CPSF2: variants seen among roughly 807,000 people sequenced by gnomAD.
The protein encoded by CPSF2 is cleavage and polyadenylation specificity factor subunit 2.
A neutral mutation model predicts 84.2 loss-of-function variants in CPSF2; 51 were observed. The observed-to-expected ratio is 0.61, with a 90% CI of 0.48 to 0.77. The LOEUF is 0.77. Ranked by LOEUF, CPSF2 falls within the 30% of genes least tolerant of loss-of-function variation. The pLI is 0.00. For synonymous variants in CPSF2, 286 were observed against 311.9 expected (o/e 0.92, Z 0.87); for missense variants, 641 against 929.4 (o/e 0.69, Z 4.03).
Position 92,168,228 on chromosome 14 carries a change from A to G in CPSF2, c.*6484A>G, listed in dbSNP as rs1267774991. On this transcript the variant is annotated 3_prime_UTR_variant, in exon 16 of 16. Transcript: ENST00000298875. ...ACGCCACTGTACTCCATCTTGGGCG[A>G]CAGAGCGCAACTCTGTCTCCAAAAA... 1 of 137,386 alleles carries G rather than the reference A, an allele frequency of 7.3e-6. No individual in the cohort carries two copies. Among genetic ancestry groups the G allele is most frequent in the Non-Finnish European group, 1.5e-5 (1 of 65,658 alleles). 8.5% of individuals were successfully genotyped at this position (137,386 alleles called of 1,614,324 possible).
At chr14:92,155,460 TG>T (rs1343188502) in intron 11 of CPSF2, 137 bp downstream of exon 11, 2 of 661,622 alleles carry the variant, frequency 3.0e-6, no homozygotes, top group Non-Finnish European at 5.2e-6. Flanking sequence ...TACCTCAGCC[TG>T]AAGACACAGA....
At chr14:92,122,842 C>T (rs1322142081) in intron 1 of CPSF2, among the ~76,000 whole-genome samples, 1 of 149,440 alleles carries the variant, frequency 6.7e-6, no homozygotes, top group Non-Finnish European at 1.5e-5. Context: ...TAACCCCTTT[C>T]TTTTTTCTTT....
At chr14:92,127,422 G>A (rs1400862008) in intron 2 of CPSF2, among the ~76,000 whole-genome samples, 1 of 152,178 alleles carries the variant, frequency 6.6e-6, no homozygotes, top group Non-Finnish European at 1.5e-5. Flanking sequence ...ATCACTGGAA[G>A]TGTTTTATAA....
At chr14:92,127,461 A>T (rs1467033471) in intron 2 of CPSF2, among the ~76,000 whole-genome samples, 1 of 152,240 alleles carries the variant, frequency 6.6e-6, no homozygotes, top group Non-Finnish European at 1.5e-5. Flanking sequence ...TATACAACTT[A>T]AGCCAATGGA....
At chr14:92,158,404 G>A (rs2141481848) in intron 13 of CPSF2, among the ~76,000 whole-genome samples, 2 of 152,274 alleles carry the variant, frequency 1.3e-5, no homozygotes, top group Middle Eastern at 6.8e-3. Context: ...AATGGGAGAT[G>A]GTGTCAGTTT....
At chr14:92,154,818 G>A (rs1311344377) in intron 10 of CPSF2, among the ~76,000 whole-genome samples, 1 of 152,156 alleles carries the variant, frequency 6.6e-6, no homozygotes, top group Non-Finnish European at 1.5e-5. Flanking sequence ...CAGAGTATAT[G>A]ATATGGCCCA....
At chr14:92,138,444 T>A in intron 7 of CPSF2, 97 bp downstream of exon 7, 1 of 593,510 alleles carries the variant, frequency 1.7e-6, no homozygotes, top group African/African-American at 2.0e-5. Flanking sequence ...TTCTTTTTTT[T>A]TTTGAGACGG....
chr14:92,136,270 CAA>C (rs1174860962), intron 6 of CPSF2, among the ~76,000 whole-genome samples: 1 of 151,990 alleles, frequency 6.6e-6, no homozygotes, highest in Non-Finnish European at 1.5e-5. Context: ...ATATTTAAGA[CAA>C]ATAGACTGAA....
Position 92,167,781 on chromosome 14 carries a change from GTC to G in CPSF2, c.*6039_*6040del, listed in dbSNP as rs1252928962. ...GTACTTTTCTTTGATTAATGTAAGA[GTC>G]TAGAGTTTTATCAGAAGATTATTGT... On this transcript the variant is annotated 3_prime_UTR_variant, in exon 16 of 16. Coordinates refer to ENST00000298875, the MANE Select transcript of CPSF2 (RefSeq NM_017437.3). The G allele has an allele frequency of 6.6e-6, 1 of 151,964 alleles. No individual in the cohort carries two copies. Among genetic ancestry groups the G allele is most frequent in the African/African-American group, 2.4e-5 (1 of 41,348 alleles). 9.4% of individuals were successfully genotyped at this position (151,964 alleles called of 1,614,324 possible). A position where few individuals can be genotyped will look rare whatever the true frequency, so the allele number is the denominator to read the frequency against.
rs369452089 is a variant in CPSF2, at chr14:92,156,896, A to G, written c.1595+265A>G. ...TAACATTAAATTGTACATTTATATG[A>G]AGAAAAATTATTTTTGGCCTTTTTA... On this transcript the variant is annotated intron_variant, in intron 12 of 15. Coordinates refer to ENST00000298875, the MANE Select transcript of CPSF2 (RefSeq NM_017437.3). Among the ~76,000 whole-genome samples, 8 of 152,328 alleles carry G rather than the reference A, an allele frequency of 5.3e-5. No homozygotes were observed. In the East Asian group the frequency reaches 1.2e-3, roughly 22 times the overall value.
intron 9 of CPSF2, among the ~76,000 whole-genome samples, chr14:92,150,772 G>A (rs964066617): frequency 6.6e-6 from 1 of 152,096 alleles, no homozygotes; most frequent in Non-Finnish European, 1.5e-5. Context: ...TCAGATTTGG[G>A]TATTTGGCAG....
At chr14:92,129,168 A>G (rs1423369800) in intron 2 of CPSF2, among the ~76,000 whole-genome samples, 1 of 152,186 alleles carries the variant, frequency 6.6e-6, no homozygotes, top group Non-Finnish European at 1.5e-5. Flanking sequence ...AACAACAACA[A>G]CAAAAAACCT....
In CPSF2 at chr14:92,162,765, G is replaced by A. The variant is rs1267108626; in HGVS notation, c.*1021G>A. 6.6e-6 allele frequency: 1 copy of A among 152,168 alleles called. No individual in the cohort carries two copies. The highest frequency in any genetic ancestry group is 1.5e-5 in the Non-Finnish European group (1 of 68,026). 9.4% of individuals were successfully genotyped at this position (152,168 alleles called of 1,614,324 possible). A position where few individuals can be genotyped will look rare whatever the true frequency, so the allele number is the denominator to read the frequency against. ...CCACCCTGATATAGTATTAACCACT[G>A]TGTTCAAGAGTAAAAACAATATATG... On this transcript the variant is annotated 3_prime_UTR_variant, in exon 16 of 16. Coordinates refer to ENST00000298875, the MANE Select transcript of CPSF2 (RefSeq NM_017437.3).
At chr14:92,132,621 G>A (rs10140608) in intron 3 of CPSF2, among the ~76,000 whole-genome samples, 76,976 of 150,234 alleles carry the variant, frequency 0.51, 21,144 homozygotes, top group East Asian at 0.97. Context: ...AAATTACAAA[G>A]ATTAGCCAGG....
chr14:92,142,021 A>T, intron 7 of CPSF2, 143 bp from the exon 8 acceptor site: 2 of 559,148 alleles, frequency 3.6e-6, no homozygotes, highest in Non-Finnish European at 6.2e-6. Context: ...CCTGAACAAA[A>T]TTCCTTCATT....
intron 7 of CPSF2, among the ~76,000 whole-genome samples, chr14:92,140,971 C>T (rs1439556836): frequency 6.6e-6 from 1 of 151,986 alleles, no homozygotes; most frequent in East Asian, 1.9e-4. Context: ...CTTAGTTTTG[C>T]TAGAGTTCAG....
intron 13 of CPSF2, among the ~76,000 whole-genome samples, chr14:92,158,401 G>A (rs1208697978): frequency 6.6e-6 from 1 of 152,224 alleles, no homozygotes; most frequent in Non-Finnish European, 1.5e-5. Flanking sequence ...GGTAATGGGA[G>A]ATGGTGTCAG....
In CPSF2 at chr14:92,163,784, A is replaced by C. The variant is rs2069407687; in HGVS notation, c.*2040A>C. The C allele has an allele frequency of 6.6e-6, 1 of 152,498 alleles. No individual in the cohort carries two copies. The allele number at this position is 152,498 out of a possible 1,614,324, so 9.4% of individuals were successfully genotyped here. A position where few individuals can be genotyped will look rare whatever the true frequency, so the allele number is the denominator to read the frequency against. ...GCTCTTGTTGCCCAGACTGGAGTGC[A>C]ATGGCACACGATCTCGGCTCACCGC... is the stretch of plus-strand genomic sequence containing the variant. On this transcript the variant is annotated 3_prime_UTR_variant, in exon 16 of 16. Coordinates refer to ENST00000298875, the MANE Select transcript of CPSF2 (RefSeq NM_017437.3).
chr14:92,143,992 T>C (rs967760755), intron 9 of CPSF2, among the ~76,000 whole-genome samples: 8 of 152,208 alleles, frequency 5.3e-5, no homozygotes, highest in African/African-American at 1.9e-4. Flanking sequence ...TGTAGCCCCC[T>C]GAAGTAATTA....
Sources: allele counts gnomAD v4.1 joint callset (sites outside exome capture counted in the v4.1 genomes callset), GRCh38; gene constraint gnomAD v4.1.1; transcripts MANE v1.5; gene names NCBI Gene and HGNC (gene_info 2026-07-23, HGNC 2026-07-21).